Variants in FSTL4 observed in about 807,000 individuals in gnomAD.
FSTL4 encodes the protein follistatin-related protein 4.
Under a neutral mutation model 78.2 loss-of-function variants are expected in FSTL4, and 28 were observed. The ratio of observed to expected loss-of-function variants is 0.36; its 90% CI spans 0.27 to 0.49. The LOEUF is 0.49. Ranked by LOEUF, FSTL4 falls within the 20% of genes least tolerant of loss-of-function variation. The pLI is 0.98. For missense variants in FSTL4, 922 were observed against 1,084.9 expected (o/e 0.85, Z 2.11); for synonymous variants, 422 against 440.5 (o/e 0.96, Z 0.53).
At chr5:133,615,042 A>G (rs1191459877), upstream of FSTL4, among the ~76,000 whole-genome samples, 2 of 152,234 alleles carry the variant, frequency 1.3e-5, no homozygotes, top group African/African-American at 2.4e-5. Flanking sequence ...CTCTTAGGAC[A>G]TTTCAGATTA....
At chr5:133,533,410 A>AT (rs1030658540) in intron 3 of FSTL4, among the ~76,000 whole-genome samples, 4 of 151,914 alleles carry the variant, frequency 2.6e-5, no homozygotes, top group Non-Finnish European at 4.4e-5. Context: ...ATGCCCAGCT[A>AT]TTTTTTTGTA....
the FSTL4 span, among the ~76,000 whole-genome samples, chr5:133,734,569 T>C: frequency 0.017 from 2,624 of 152,248 alleles, 72 homozygotes; most frequent in African/African-American, 0.06. Flanking sequence ...AGGCACACGA[T>C]GGGGAGTCAT....
the FSTL4 span, among the ~76,000 whole-genome samples, chr5:133,663,095 G>T: frequency 6.6e-6 from 1 of 152,186 alleles, no homozygotes. Context: ...GTTGGGAAAA[G>T]ATTTGATTAT....
At chr5:133,793,458 G>A in the FSTL4 span, among the ~76,000 whole-genome samples, 1 of 152,242 alleles carries the variant, frequency 6.6e-6, no homozygotes, top group Non-Finnish European at 1.5e-5. Flanking sequence ...CTGTGAGATA[G>A]GCACTACGTT....
chr5:133,623,902 G>A, the FSTL4 span, among the ~76,000 whole-genome samples: 10 of 151,686 alleles, frequency 6.6e-5, no homozygotes, highest in East Asian at 1.9e-4. Context: ...ATGATATACC[G>A]CTTCATACCC....
At chr5:133,572,689 AT>A (rs1233013452) in intron 2 of FSTL4, among the ~76,000 whole-genome samples, 3 of 152,202 alleles carry the variant, frequency 2.0e-5, no homozygotes, top group Non-Finnish European at 4.4e-5. Flanking sequence ...AGATAAAAAT[AT>A]TTGTAGAACT....
chr5:133,741,951 C>A, the FSTL4 span, among the ~76,000 whole-genome samples: 1 of 152,226 alleles, frequency 6.6e-6, no homozygotes, highest in Non-Finnish European at 1.5e-5. Context: ...ACTCTTCACC[C>A]ACTAGAGGCA....
At chr5:133,570,102 G>C (rs947684344) in intron 2 of FSTL4, among the ~76,000 whole-genome samples, 5 of 151,508 alleles carry the variant, frequency 3.3e-5, no homozygotes, top group African/African-American at 1.2e-4. Context: ...CCAGCTACTC[G>C]GGAGTCTGAG....
At chr5:133,393,284 A>G (rs1376430615) in intron 4 of FSTL4, among the ~76,000 whole-genome samples, 1 of 152,222 alleles carries the variant, frequency 6.6e-6, no homozygotes, top group Non-Finnish European at 1.5e-5. Flanking sequence ...TCTCTGGCTA[A>G]AGCAGCTCCC....
At chr5:133,662,968 G>T in the FSTL4 span, among the ~76,000 whole-genome samples, 2 of 114,770 alleles carry the variant, frequency 1.7e-5, no homozygotes, top group Non-Finnish European at 3.4e-5. Context: ...ATTACCCTGA[G>T]TTAAAAAAAA....
At chr5:133,667,670 C>A in the FSTL4 span, among the ~76,000 whole-genome samples, 1 of 152,240 alleles carries the variant, frequency 6.6e-6, no homozygotes. Flanking sequence ...AGTCCCCACT[C>A]CAACATCACC....
chr5:133,794,306 C>T, the FSTL4 span, among the ~76,000 whole-genome samples: 1 of 152,246 alleles, frequency 6.6e-6, no homozygotes, highest in African/African-American at 2.4e-5. Context: ...ACCACGGTTA[C>T]AGACAGCGAT....
chr5:133,296,532 A>G (rs950179781), intron 6 of FSTL4, among the ~76,000 whole-genome samples: 3 of 152,000 alleles, frequency 2.0e-5, no homozygotes, highest in Admixed American at 2.0e-4. Context: ...TACCACTCCT[A>G]CCATCAGACC....
At chr5:133,389,245 T>C (rs1445232486) in intron 4 of FSTL4, among the ~76,000 whole-genome samples, 2 of 152,184 alleles carry the variant, frequency 1.3e-5, no homozygotes, top group African/African-American at 4.8e-5. Context: ...CTTTCATTCG[T>C]GTTCAGACAG....
chr5:133,577,696 G>A (rs1430069852), intron 2 of FSTL4, among the ~76,000 whole-genome samples: 2 of 152,114 alleles, frequency 1.3e-5, no homozygotes, highest in African/African-American at 2.4e-5. Flanking sequence ...TTGAGCCCAC[G>A]AGTTCGAGAC....
intron 2 of FSTL4, among the ~76,000 whole-genome samples, chr5:133,591,896 A>T (rs1038072914): frequency 1.3e-5 from 2 of 152,120 alleles, no homozygotes; most frequent in Non-Finnish European, 2.9e-5. Flanking sequence ...CTGGGGCCTC[A>T]TGACAACCCT....
intron 6 of FSTL4, among the ~76,000 whole-genome samples, chr5:133,308,035 C>T (rs2126884191): frequency 6.6e-6 from 1 of 152,324 alleles, no homozygotes; most frequent in Non-Finnish European, 1.5e-5. Flanking sequence ...CTGCCTCGGC[C>T]TCCCAAAGTG....
intron 4 of FSTL4, among the ~76,000 whole-genome samples, chr5:133,324,141 C>T (rs1033147839): frequency 6.6e-6 from 1 of 152,204 alleles, no homozygotes; most frequent in Non-Finnish European, 1.5e-5. Context: ...TGTAAATATT[C>T]CATCAGCCAC....
At chr5:133,590,258 C>G (rs923516390) in intron 2 of FSTL4, among the ~76,000 whole-genome samples, 1 of 152,134 alleles carries the variant, frequency 6.6e-6, no homozygotes, top group Admixed American at 6.5e-5. Flanking sequence ...GACACTGCCC[C>G]CTTTCATCCT....
Sources: allele counts gnomAD v4.1 joint callset (sites outside exome capture counted in the v4.1 genomes callset), GRCh38; gene constraint gnomAD v4.1.1; transcripts MANE v1.5; gene names NCBI Gene and HGNC (gene_info 2026-07-23, HGNC 2026-07-21).